Variants in WWOX observed in about 807,000 individuals in gnomAD.
The protein encoded by WWOX is WW domain-containing oxidoreductase.
WWOX carries 69 observed loss-of-function variants against 46.2 expected under a neutral mutation model. The ratio of observed to expected loss-of-function variants is 1.49; its 90% CI spans 1.23 to 1.82. The LOEUF (loss-of-function observed/expected upper bound fraction) is 1.82. WWOX is among the 40% of genes most tolerant of loss of function. WWOX has a pLI of 0.00. For missense variants in WWOX, 919 were observed against 542.6 expected (o/e 1.69, Z -6.89); for synonymous variants, 359 against 202.6 (o/e 1.77, Z -6.56).
chr16:78,792,151 G>A (rs1349291350), intron 8 of WWOX, among the ~76,000 whole-genome samples: 1 of 152,094 alleles, frequency 6.6e-6, no homozygotes, highest in African/African-American at 2.4e-5. Context: ...TTAGACCTCA[G>A]TGGCCCGCAG....
At position 78,799,981 on chromosome 16, in the gene WWOX, A is replaced by C. The variant is rs372196634; in HGVS notation, c.1056+367229A>C. Among the ~76,000 whole-genome samples, 35 of 152,278 alleles carry C rather than the reference A, an allele frequency of 2.3e-4. No individual in the cohort carries two copies. In the East Asian group the frequency reaches 5.0e-3, roughly 22 times the overall value. ...CCCCGCGTCTGGCATTGCAGGTCTG[A>C]GGTTCCGATGAACTCTTTTTTCTCT... On this transcript the variant is annotated intron_variant, in intron 8 of 8. Coordinates refer to ENST00000566780, the MANE Select transcript of WWOX (RefSeq NM_016373.4).
intron 7 of WWOX, among the ~76,000 whole-genome samples, chr16:78,430,835 TC>T (rs1241584595): frequency 6.6e-6 from 1 of 152,224 alleles, no homozygotes; most frequent in Admixed American, 6.5e-5. Flanking sequence ...ATATTTAATT[TC>T]CATTAAAACA....
intron 8 of WWOX, among the ~76,000 whole-genome samples, chr16:78,731,956 C>A (rs946036509): frequency 1.3e-5 from 2 of 151,312 alleles, no homozygotes; most frequent in Middle Eastern, 3.4e-3. Flanking sequence ...AATTGATCCT[C>A]CTGCCTCAGC....
intron 8 of WWOX, among the ~76,000 whole-genome samples, chr16:78,573,290 C>G (rs1036618888): frequency 1.3e-5 from 2 of 152,254 alleles, no homozygotes; most frequent in East Asian, 1.9e-4. Context: ...CATCTCAAAA[C>G]AAACAAACAA....
chr16:79,191,038 T>C (rs2051125582), intron 8 of WWOX, among the ~76,000 whole-genome samples: 2 of 152,060 alleles, frequency 1.3e-5, no homozygotes, highest in African/African-American at 4.8e-5. Context: ...CATGACTTCT[T>C]TTTTTTGTTG....
Position 79,029,873 on chromosome 16 carries a change from T to A in WWOX, c.1057-181735T>A, listed in dbSNP as rs139293183. ...TCAAACTTCAACAGTGTTTTAACTA[T>A]CAAATAGAAAATCGAAAGGAAGCAT... On this transcript the variant is annotated intron_variant, in intron 8 of 8. Coordinates refer to ENST00000566780, the MANE Select transcript of WWOX (RefSeq NM_016373.4). Among the ~76,000 whole-genome samples, 628 of 152,298 alleles carry A rather than the reference T, an allele frequency of 4.1e-3. 6 individuals are homozygous for A. Among genetic ancestry groups the A allele is most frequent in the African/African-American group, 0.014 (590 of 41,560 alleles).
chr16:78,763,129 G>A (rs149461127), intron 8 of WWOX, among the ~76,000 whole-genome samples: 4 of 152,324 alleles, frequency 2.6e-5, no homozygotes, highest in African/African-American at 9.6e-5. Context: ...TGTGGAGATA[G>A]GGAGCTGAAG....
At chr16:78,629,133 C>T (rs1379741332) in intron 8 of WWOX, among the ~76,000 whole-genome samples, 1 of 152,076 alleles carries the variant, frequency 6.6e-6, no homozygotes, top group Non-Finnish European at 1.5e-5. Flanking sequence ...GAAAACTTTT[C>T]AAAGGGCACC....
chr16:78,507,813 G>A (rs374202047), intron 8 of WWOX, among the ~76,000 whole-genome samples: 8 of 152,140 alleles, frequency 5.3e-5, no homozygotes, highest in African/African-American at 1.9e-4. Flanking sequence ...AGGCGTGAAA[G>A]ATCCTCCGAA....
At chr16:78,518,768 G>T (rs931585318) in intron 8 of WWOX, among the ~76,000 whole-genome samples, 2 of 152,216 alleles carry the variant, frequency 1.3e-5, no homozygotes, top group African/African-American at 4.8e-5. Context: ...AGCTTCCTAG[G>T]AGGTGTCTGG....
chr16:78,447,510 G>C (rs1399278091), intron 8 of WWOX, among the ~76,000 whole-genome samples: 1 of 152,202 alleles, frequency 6.6e-6, no homozygotes, highest in East Asian at 1.9e-4. Context: ...GTATTTATCA[G>C]AGGTGAAAGT....
At chr16:79,176,499 A>T (rs2050802864) in intron 8 of WWOX, among the ~76,000 whole-genome samples, 1 of 152,200 alleles carries the variant, frequency 6.6e-6, no homozygotes, top group Non-Finnish European at 1.5e-5. Flanking sequence ...CTACTTGAGG[A>T]TACACACAGT....
intron 8 of WWOX, among the ~76,000 whole-genome samples, chr16:78,484,295 T>G (rs1856326689): frequency 6.6e-6 from 1 of 152,170 alleles, no homozygotes; most frequent in Non-Finnish European, 1.5e-5. Context: ...AAATTGAAAT[T>G]GTAGATTATT....
chr16:79,162,537 A>G (rs937398418), intron 8 of WWOX, among the ~76,000 whole-genome samples: 2 of 152,084 alleles, frequency 1.3e-5, no homozygotes, highest in Non-Finnish European at 2.9e-5. Context: ...GGCCTCAGTT[A>G]CCTCTAGCCC....
intron 5 of WWOX, chr16:78,278,849 G>A (rs2079627557): frequency 6.7e-6 from 4 of 593,456 alleles, no homozygotes; most frequent in East Asian, 6.0e-5. Flanking sequence ...CGACTCTTCA[G>A]GTGACTAAAG....
rs145298315 is a variant in WWOX, at chr16:78,789,300, G to C, written c.1056+356548G>C. Among the ~76,000 whole-genome samples, 30 of 152,228 alleles carry C rather than the reference G, an allele frequency of 2.0e-4. No individual in the cohort carries two copies. In the East Asian group the frequency reaches 5.8e-3, roughly 29 times the overall value. ...TTTTAGCACTTATGTTAAGACTTTT[G>C]ATCCATTTTACGTCAATTTTTCTAT... On this transcript the variant is annotated intron_variant, in intron 8 of 8. Coordinates refer to ENST00000566780, the MANE Select transcript of WWOX (RefSeq NM_016373.4).
intron 5 of WWOX, among the ~76,000 whole-genome samples, chr16:78,321,739 G>C (rs989866234): frequency 1.3e-5 from 2 of 152,156 alleles, no homozygotes; most frequent in African/African-American, 4.8e-5. Flanking sequence ...ACACAGGCTT[G>C]GTGCCTGGCG....
rs1344418803 is a variant in WWOX at position 78,165,941 on chromosome 16, G to A, written c.516+1652G>A. On this transcript the variant is annotated intron_variant, in intron 5 of 8. Transcript: ENST00000566780. ...TTGTCTTTCTGACTAATGTTAAAAA[G>A]TAGTAACCTCTAGTAGGTGGGATAG... 2.0e-5 allele frequency among the ~76,000 whole-genome samples: 3 copies of A among 149,718 alleles called. 1 individual carries two copies. Among genetic ancestry groups the A allele is most frequent in the Non-Finnish European group, 4.5e-5 (3 of 67,044 alleles).
intron 8 of WWOX, among the ~76,000 whole-genome samples, chr16:78,929,482 T>G (rs2045572328): frequency 6.6e-6 from 1 of 151,932 alleles, no homozygotes. Flanking sequence ...TTTCCAATGC[T>G]AAGGAGAGGA....
Sources: allele counts gnomAD v4.1 joint callset (sites outside exome capture counted in the v4.1 genomes callset), GRCh38; gene constraint gnomAD v4.1.1; transcripts MANE v1.5; gene names NCBI Gene and HGNC (gene_info 2026-07-23, HGNC 2026-07-21).